Variants in NME1 observed in about 807,000 individuals in gnomAD.
NME1 encodes the protein nucleoside diphosphate kinase A.
NME1 carries 9 observed loss-of-function variants against 17.2 expected under a neutral mutation model. That is an observed-to-expected ratio of 0.52 (90% CI 0.32 to 0.92). NME1 has a LOEUF of 0.92. NME1 is among the 40% of genes least tolerant of loss of function. NME1 has a pLI of 0.04. For missense variants in NME1, 169 were observed against 201.7 expected (o/e 0.84, Z 0.98); for synonymous variants, 72 against 70.8 (o/e 1.02, Z -0.09).
intron 1 of NME1, chr17:51,154,233 G>A: frequency 1.3e-6 from 1 of 767,188 alleles, no homozygotes; most frequent in Non-Finnish European, 2.4e-6. Flanking sequence ...AGGCCCTGTG[G>A]CTAGGTACCA....
Position 51,162,007 on chromosome 17 carries a change from C to T in NME1, c.*162C>T, listed in dbSNP as rs1411675828. On this transcript the variant is annotated 3_prime_UTR_variant, in exon 5 of 5. Coordinates refer to ENST00000393196, the MANE Select transcript of NME1 (RefSeq NM_000269.3). ...CCCTGTACAGTGTTACCATCCCCGA[C>T]CATCTGATTAAAATGCTTCCTCCCA... The T allele has an allele frequency of 2.1e-5, 13 of 612,842 alleles. No individual in the cohort carries two copies. The South Asian group carries it at 2.3e-4, about 11-fold the overall frequency. 38.0% of individuals were successfully genotyped at this position (612,842 alleles called of 1,614,324 possible). A position where few individuals can be genotyped will look rare whatever the true frequency, so the allele number is the denominator to read the frequency against.
chr17:51,155,315 G>A (rs1314488527), intron 1 of NME1, among the ~76,000 whole-genome samples: 2 of 151,846 alleles, frequency 1.3e-5, no homozygotes, highest in African/African-American at 4.8e-5. Context: ...TTGGTAGGCT[G>A]AGGTGGGCAG....
At chr17:51,155,868 TAA>T in intron 2 of NME1, 88 bp downstream of exon 2, 3 of 1,589,416 alleles carry the variant, frequency 1.9e-6, no homozygotes, top group Non-Finnish European at 2.6e-6. Context: ...CTTTCTTATT[TAA>T]AGTTCTCCAC....
chr17:51,156,629 A>C (rs1037441868), intron 2 of NME1: 3 of 152,236 alleles, frequency 2.0e-5, no homozygotes, highest in African/African-American at 7.2e-5. Context: ...GCGGTGGCTC[A>C]TACCTGTAAT....
In NME1 at chr17:51,162,131, A is replaced by G; in HGVS notation, c.*286A>G. 3.0e-6 allele frequency: 1 copy of G among 330,538 alleles called. No homozygotes were observed. The highest frequency in any genetic ancestry group is 5.7e-6 in the Non-Finnish European group (1 of 174,324). 20.5% of individuals were successfully genotyped at this position (330,538 alleles called of 1,614,324 possible). A position where few individuals can be genotyped will look rare whatever the true frequency, so the allele number is the denominator to read the frequency against. On this transcript the variant is annotated 3_prime_UTR_variant, in exon 5 of 5. Transcript: ENST00000393196. ...TAACCTGACCTAATAGAGAGTGTAA[A>G]TACTATAAAAATGATTTATTTTGAG...
chr17:51,156,220 T>G (rs2049784031), intron 2 of NME1: 1 of 259,766 alleles, frequency 3.8e-6, no homozygotes, highest in Non-Finnish European at 7.6e-6. Context: ...TTAGCATATA[T>G]TAGGTATCAT....
At chr17:51,154,156 TCTC>T in intron 1 of NME1, 1 of 551,392 alleles carries the variant, frequency 1.8e-6, no homozygotes, top group East Asian at 3.0e-5. Flanking sequence ...TTTGTCTCTC[TCTC>T]TTTTTTTTTT....
chr17:51,154,293 C>T, intron 1 of NME1: 2 of 1,322,832 alleles, frequency 1.5e-6, no homozygotes, highest in South Asian at 2.3e-5. Context: ...GGGAGGCAGA[C>T]ACACAAACAG....
chr17:51,154,571 C>A, intron 1 of NME1: 1 of 755,902 alleles, frequency 1.3e-6, no homozygotes, highest in Non-Finnish European at 2.3e-6. Flanking sequence ...CACACCCCAC[C>A]GTTTATTGGC....
At position 51,161,241 on chromosome 17, in the gene NME1, A is replaced by AT; in HGVS notation, c.311dup (p.Arg105ProfsTer17). ...CCCTGCAGACTCCAAGCCTGGGACC[A>AT]TCCGTGGAGACTTCTGCATACAAGT... On this transcript the variant is annotated frameshift_variant, in exon 4 of 5. Transcript: ENST00000393196. LOFTEE classifies it high-confidence loss of function. The AT allele has an allele frequency of 6.2e-7, 1 of 1,612,350 alleles. No individual in the cohort carries two copies. The highest frequency in any genetic ancestry group is 1.1e-5 in the South Asian group (1 of 90,500).
At chr17:51,158,276 T>C (rs2049816230) in intron 2 of NME1, among the ~76,000 whole-genome samples, 1 of 151,964 alleles carries the variant, frequency 6.6e-6, no homozygotes, top group South Asian at 2.1e-4. Flanking sequence ...CAAGACCCTG[T>C]CTCAAAAAAA....
At chr17:51,160,273 T>A (rs910989423) in intron 3 of NME1, 192 bp downstream of exon 3, 2 of 713,448 alleles carry the variant, frequency 2.8e-6, no homozygotes, top group Non-Finnish European at 5.0e-6. Flanking sequence ...AAATGATCAC[T>A]TTAGATTGGG....
intron 3 of NME1, chr17:51,160,677 T>C (rs983940607): frequency 3.2e-5 from 8 of 247,256 alleles, no homozygotes; most frequent in Non-Finnish European, 5.5e-5. Flanking sequence ...TGGTGCCATC[T>C]CGTCTCACCG....
chr17:51,154,602 T>C (rs983769327), intron 1 of NME1, among the ~76,000 whole-genome samples: 3 of 152,232 alleles, frequency 2.0e-5, no homozygotes, highest in African/African-American at 4.8e-5. Context: ...ATTCTTTGCA[T>C]TGTAAAGTGT....
intron 1 of NME1, chr17:51,154,351 G>C (rs199554302): frequency 6.2e-7 from 1 of 1,612,408 alleles, no homozygotes; most frequent in Middle Eastern, 1.7e-4. Flanking sequence ...GTTAACTAAA[G>C]GACAGGAAGA....
chr17:51,160,473 C>G (rs1180648570), intron 3 of NME1: 1 of 365,620 alleles, frequency 2.7e-6, no homozygotes, highest in Non-Finnish European at 5.3e-6. Context: ...TTGAAATGCC[C>G]GAAGCCTGAT....
Position 51,161,836 on chromosome 17 carries a change from C to G in NME1, c.450C>G (p.Ile150Met). Reference protein sequence around the residue: ...VDYTSCAQNWIYE With the variant: ...VDYTSCAQNWMYE ...ACACGAGCTGTGCTCAGAACTGGATCTATGAATGACAGGAGGGCAGACCAC... is the reference window on the plus strand; with the variant it reads ...ACACGAGCTGTGCTCAGAACTGGATGTATGAATGACAGGAGGGCAGACCAC... The change falls in exon 5 of 5, where the codon ATC becomes ATG. Residue 150 changes from isoleucine (I) to methionine (M), a missense_variant. Transcript: ENST00000393196. The G allele has an allele frequency of 6.2e-7, 1 of 1,607,912 alleles. No individual in the cohort carries two copies. The highest frequency in any genetic ancestry group is 8.5e-7 in the Non-Finnish European group (1 of 1,174,480).
At chr17:51,153,954 A>C in intron 1 of NME1, 1 of 203,868 alleles carries the variant, frequency 4.9e-6, no homozygotes, top group South Asian at 6.7e-5. Context: ...GGCGCTCTGT[A>C]AGTGCTTGCT....
In NME1 at chr17:51,161,989, C is replaced by G. The variant is rs1227127236; in HGVS notation, c.*144C>G. On this transcript the variant is annotated 3_prime_UTR_variant, in exon 5 of 5. Transcript: ENST00000393196. ...CTTGGAGCTGTGAGTTCTCCCTGTA[C>G]AGTGTTACCATCCCCGACCATCTGA... 1.5e-6 allele frequency: 1 copy of G among 667,302 alleles called. No homozygotes were observed. Among genetic ancestry groups the G allele is most frequent in the Non-Finnish European group, 2.7e-6 (1 of 369,208 alleles). 41.3% of individuals were successfully genotyped at this position (667,302 alleles called of 1,614,324 possible).
Sources: gnomAD v4.1 joint callset for allele counts (sites outside exome capture counted in the v4.1 genomes callset) on GRCh38, gnomAD v4.1.1 for gene constraint, MANE v1.5 for transcripts, NCBI Gene and HGNC (gene_info 2026-07-23, HGNC 2026-07-21) for gene names.